The following SH3D19 variants were observed in gnomAD, a reference collection of about 807,000 sequenced individuals.
SH3D19 encodes SH3 domain-containing protein 19.
A neutral mutation model predicts 112.1 loss-of-function variants in SH3D19; 58 were observed. The observed-to-expected ratio is 0.52, with a 90% CI of 0.42 to 0.64. The LOEUF (loss-of-function observed/expected upper bound fraction) is 0.64, where lower values mean the gene tolerates loss of function less well. SH3D19 is among the 30% of genes least tolerant of loss of function. The pLI is 0.00. For synonymous variants in SH3D19, 391 were observed against 448.5 expected, an observed-to-expected ratio of 0.87 and a Z score of 1.62; for missense variants, 1,090 against 1,263.4, an observed-to-expected ratio of 0.86 and a Z score of 2.08.
intron 1 of SH3D19, among the ~76,000 whole-genome samples, chr4:151,245,212 C>T (rs567602167): frequency 1.0e-3 from 158 of 151,972 alleles, no homozygotes; most frequent in African/African-American, 3.6e-3. Flanking sequence ...TCACTACTGA[C>T]CTTTCTGAGT....
At chr4:151,250,697 A>C (rs1218028850) in intron 1 of SH3D19, among the ~76,000 whole-genome samples, 2 of 152,206 alleles carry the variant, frequency 1.3e-5, no homozygotes, top group African/African-American at 2.4e-5. Context: ...GAAGAAGAGG[A>C]GTCAAACCTA....
chr4:151,176,499 G>A, intron 6 of SH3D19, 35 bp downstream of exon 6: 1 of 1,230,412 alleles, frequency 8.1e-7, no homozygotes, highest in Admixed American at 4.2e-5. Context: ...CCTAGAACTA[G>A]GTCAGAATTA....
chr4:151,199,022 T>TG (rs1763999014), intron 2 of SH3D19, among the ~76,000 whole-genome samples: 1 of 150,942 alleles, frequency 6.6e-6, no homozygotes, highest in Non-Finnish European at 1.5e-5. Context: ...TAACATCTTT[T>TG]TTTTTTTTTT....
intron 11 of SH3D19, among the ~76,000 whole-genome samples, chr4:151,144,666 A>C (rs2149768864): frequency 6.6e-6 from 1 of 152,298 alleles, no homozygotes; most frequent in South Asian, 2.1e-4. Flanking sequence ...TGGCCTCTGA[A>C]GGCTGATCAG....
At chr4:151,307,405 A>C (rs1344471410) in intron 1 of SH3D19, among the ~76,000 whole-genome samples, 1 of 152,204 alleles carries the variant, frequency 6.6e-6, no homozygotes, top group East Asian at 1.9e-4. Flanking sequence ...CCAAATCTAC[A>C]TTTAAGCTTC....
At chr4:151,254,776 C>T (rs1279121480) in intron 1 of SH3D19, among the ~76,000 whole-genome samples, 6 of 151,254 alleles carry the variant, frequency 4.0e-5, no homozygotes, top group Admixed American at 3.3e-4. Flanking sequence ...CCACCTTTCC[C>T]GCCTTTCTAT....
At chr4:151,285,920 T>A (rs1774709765) in intron 1 of SH3D19, among the ~76,000 whole-genome samples, 1 of 151,372 alleles carries the variant, frequency 6.6e-6, no homozygotes, top group Admixed American at 6.6e-5. Context: ...AAAGGCTGGG[T>A]GTGATGGCAC....
intron 3 of SH3D19, among the ~76,000 whole-genome samples, chr4:151,180,802 C>T (rs1760786839): frequency 2.0e-5 from 3 of 150,982 alleles, no homozygotes; most frequent in South Asian, 2.1e-4. Flanking sequence ...CTCGCTCTGT[C>T]GCCCAGGCTG....
At position 151,282,299 on chromosome 4, in the gene SH3D19, C is replaced by G. The variant is rs200120511; in HGVS notation, c.112+42942G>C. The stretch of plus-strand genomic sequence containing the variant: ...CGTCGCCTTGTTGAAACTGTCCTCT[C>G]AAGTCACCTTCACTTCTGCCATCCT... On this transcript the variant is annotated intron_variant, in intron 1 of 19. Transcript: ENST00000604030. 2.7e-3 allele frequency: 4,355 copies of G among 1,613,948 alleles called. 8 individuals are homozygous for G. Among genetic ancestry groups the G allele is most frequent in the Non-Finnish European group, 3.5e-3 (4,086 of 1,179,886 alleles).
intron 1 of SH3D19, among the ~76,000 whole-genome samples, chr4:151,305,724 G>C (rs544740752): frequency 2.8e-4 from 43 of 152,322 alleles, no homozygotes; most frequent in African/African-American, 1.0e-3. Flanking sequence ...TACATTGCTG[G>C]TGATAACACA....
intron 7 of SH3D19, among the ~76,000 whole-genome samples, chr4:151,169,345 C>T (rs945955506): frequency 8.5e-5 from 13 of 152,078 alleles, no homozygotes; most frequent in Admixed American, 3.9e-4. Flanking sequence ...CGTGTTCCAC[C>T]ACCGCAGGCT....
chr4:151,174,620 A>C, intron 7 of SH3D19, 50 bp downstream of exon 7: 1 of 1,470,776 alleles, frequency 6.8e-7, no homozygotes, highest in Non-Finnish European at 9.0e-7. Context: ...GCCATTTAAA[A>C]TACCCTATCA....
chr4:151,201,819 T>C (rs1038226121), intron 2 of SH3D19, among the ~76,000 whole-genome samples: 1 of 151,320 alleles, frequency 6.6e-6, no homozygotes, highest in Non-Finnish European at 1.5e-5. Context: ...GAGACCAGCC[T>C]GGGCCAACAT....
intron 1 of SH3D19, among the ~76,000 whole-genome samples, chr4:151,304,877 A>C (rs1438413365): frequency 1.3e-5 from 2 of 152,116 alleles, no homozygotes; most frequent in Non-Finnish European, 1.5e-5. Context: ...AGACTTGTAA[A>C]CTGCCTGTCT....
At chr4:151,282,267 C>T (rs775385056) in intron 1 of SH3D19, 30 of 1,613,978 alleles carry the variant, frequency 1.9e-5, no homozygotes, top group African/African-American at 4.0e-5. Flanking sequence ...CAAGATACAA[C>T]GGCAGACGTC....
intron 1 of SH3D19, among the ~76,000 whole-genome samples, chr4:151,314,314 G>C (rs1179887815): frequency 6.6e-6 from 1 of 152,262 alleles, no homozygotes; most frequent in East Asian, 1.9e-4. Context: ...GATTCTAAAG[G>C]CTTCCATTTT....
At chr4:151,132,422 A>G in intron 16 of SH3D19, 39 bp from the exon 17 acceptor site, 1 of 1,586,668 alleles carries the variant, frequency 6.3e-7, no homozygotes, top group Non-Finnish European at 8.6e-7. Context: ...AAGTCAGAAC[A>G]TTAGATGTGA....
chr4:151,317,677 G>A (rs1386604510), intron 1 of SH3D19, among the ~76,000 whole-genome samples: 1 of 152,172 alleles, frequency 6.6e-6, no homozygotes, highest in East Asian at 1.9e-4. Flanking sequence ...GGACAATAAA[G>A]AAAAGCTGAA....
chr4:151,305,900 C>T (rs565798787), intron 1 of SH3D19, among the ~76,000 whole-genome samples: 5 of 152,040 alleles, frequency 3.3e-5, no homozygotes, highest in Non-Finnish European at 7.4e-5. Context: ...TATTGTGTAC[C>T]AGCATAAACA....
Sources: gnomAD v4.1 joint callset for allele counts (sites outside exome capture counted in the v4.1 genomes callset) on GRCh38, gnomAD v4.1.1 for gene constraint, MANE v1.5 for transcripts, NCBI Gene and HGNC (gene_info 2026-07-23, HGNC 2026-07-21) for gene names.